The following LPCAT3 variants were observed in gnomAD, a reference collection of about 807,000 sequenced individuals.
LPCAT3 encodes lysophospholipid acyltransferase 5.
In LPCAT3, 21 loss-of-function variants were observed where a neutral mutation model predicts 63.4. The ratio of observed to expected loss-of-function variants is 0.33; its 90% CI spans 0.23 to 0.48. LPCAT3 has a LOEUF of 0.48. Ranked by LOEUF, LPCAT3 falls within the 20% of genes least tolerant of loss-of-function variation. LPCAT3 has a pLI of 0.99. For synonymous variants in LPCAT3, 242 were observed against 227.5 expected (o/e 1.06, Z -0.58); for missense variants, 451 against 590.6 (o/e 0.76, Z 2.45).
intron 4 of LPCAT3, 86 bp from the exon 5 acceptor site, chr12:6,981,718 T>TTTTTTG: frequency 3.5e-6 from 1 of 285,274 alleles, no homozygotes; most frequent in Non-Finnish European, 6.4e-6. Context: ...CAGAAGTGTA[T>TTTTTTG]GGCGGGGGGC....
chr12:7,006,883 T>C (rs1414870457), intron 1 of LPCAT3, among the ~76,000 whole-genome samples: 4 of 152,150 alleles, frequency 2.6e-5, no homozygotes, highest in African/African-American at 9.7e-5. Context: ...ACAGCAGAAA[T>C]TGGAAACCTC....
At chr12:7,000,460 T>C (rs1416669991) in intron 1 of LPCAT3, among the ~76,000 whole-genome samples, 2 of 148,384 alleles carry the variant, frequency 1.3e-5, no homozygotes, top group Admixed American at 1.3e-4. Context: ...TGGTGGCGGA[T>C]GCCTGTAGTC....
rs1946548111 is a variant in LPCAT3 at position 6,988,267 on chromosome 12, A to T, written c.152-4728T>A. The T allele has an allele frequency of 2.0e-5, 3 of 153,688 alleles. No individual in the cohort carries two copies. In the South Asian group the frequency reaches 6.2e-4, roughly 32 times the overall value. The allele number at this position is 153,688 out of a possible 1,614,324, so 9.5% of individuals were successfully genotyped here. A position where few individuals can be genotyped will look rare whatever the true frequency, so the allele number is the denominator to read the frequency against. On this transcript the variant is annotated intron_variant, in intron 1 of 12. Coordinates refer to ENST00000261407, the MANE Select transcript of LPCAT3 (RefSeq NM_005768.6). ...AAGGCGGAGGAATTGGGAGAAAAAT[A>T]AAAAGAATGCAGCAGGCCAGGTTAG...
intron 6 of LPCAT3, 67 bp from the exon 7 acceptor site, chr12:6,979,646 TCA>T (rs1431583726): frequency 1.7e-5 from 19 of 1,118,804 alleles, no homozygotes; most frequent in African/African-American, 3.1e-5. Flanking sequence ...CCTCTGACCT[TCA>T]GTTATGGAGA....
chr12:6,997,216 T>G (rs2138349468), intron 1 of LPCAT3: 1 of 152,324 alleles, frequency 6.6e-6, no homozygotes, highest in South Asian at 2.1e-4. Flanking sequence ...TTTTATTTTC[T>G]TGAGACAGTA....
chr12:6,994,984 C>A (rs1025439580), intron 1 of LPCAT3, among the ~76,000 whole-genome samples: 1 of 152,200 alleles, frequency 6.6e-6, no homozygotes, highest in Non-Finnish European at 1.5e-5. Flanking sequence ...GACAGATCCA[C>A]ATCTTTAGTT....
rs921126083 is a variant in LPCAT3, at chr12:7,017,700, G to A, written c.151+574C>T. ...ATTAAAATGATATTCCAGGGTAAAT[G>A]ACAGGTAGGTGGCTTGGAAAATAAA... On this transcript the variant is annotated intron_variant, in intron 1 of 12. Coordinates refer to ENST00000261407, the MANE Select transcript of LPCAT3 (RefSeq NM_005768.6). The surrounding 1 kb of genome is among the most constrained non-coding windows in gnomAD (Gnocchi z 4.1). 3.9e-5 allele frequency among the ~76,000 whole-genome samples: 6 copies of A among 152,126 alleles called. No individual in the cohort carries two copies. Among genetic ancestry groups the A allele is most frequent in the African/African-American group, 1.2e-4 (5 of 41,422 alleles).
At chr12:7,008,098 A>G (rs1946739506) in intron 1 of LPCAT3, among the ~76,000 whole-genome samples, 1 of 152,134 alleles carries the variant, frequency 6.6e-6, no homozygotes, top group Non-Finnish European at 1.5e-5. Flanking sequence ...TTACACCATC[A>G]GTCCATTTTA....
At chr12:6,982,429 C>T (rs1946479510) in intron 3 of LPCAT3, among the ~76,000 whole-genome samples, 1 of 152,134 alleles carries the variant, frequency 6.6e-6, no homozygotes, top group Non-Finnish European at 1.5e-5. Flanking sequence ...ACCAAAGAGC[C>T]TAATGGCACA....
intron 1 of LPCAT3, among the ~76,000 whole-genome samples, chr12:6,993,205 G>A (rs1264633079): frequency 2.6e-5 from 4 of 151,964 alleles, no homozygotes; most frequent in Admixed American, 6.6e-5. Flanking sequence ...TTTGGGAGCC[G>A]GAGGAGGGCA....
rs1555154973 is a variant in LPCAT3 at position 6,987,867 on chromosome 12, C to G, written c.152-4328G>C. 2 of 400,540 alleles carry G rather than the reference C, an allele frequency of 5.0e-6. No individual in the cohort carries two copies. Among genetic ancestry groups the G allele is most frequent in the African/African-American group, 4.1e-5 (2 of 48,666 alleles). 24.8% of individuals were successfully genotyped at this position (400,540 alleles called of 1,614,324 possible). On this transcript the variant is annotated intron_variant, in intron 1 of 12. Coordinates refer to ENST00000261407, the MANE Select transcript of LPCAT3 (RefSeq NM_005768.6). The surrounding 1 kb of genome is among the most constrained non-coding windows in gnomAD (Gnocchi z 4.1). The stretch of plus-strand genomic sequence containing the variant: ...TGTGAAATTGTCTGCCTGACTCTAA[C>G]AAGGCCTACACTGTCCTGAGTTCTG...
intron 1 of LPCAT3, among the ~76,000 whole-genome samples, chr12:6,985,089 TA>T (rs10559240): frequency 0.82 from 92,331 of 112,530 alleles, 38,314 homozygotes; most frequent in East Asian, 0.96. Flanking sequence ...CCCCATACAT[TA>T]AAAAAAAAAA....
chr12:6,992,809 A>G (rs1946601173), intron 1 of LPCAT3, among the ~76,000 whole-genome samples: 1 of 152,086 alleles, frequency 6.6e-6, no homozygotes, highest in Admixed American at 6.6e-5. Flanking sequence ...TGGTTCTAGT[A>G]CTCGCAGCAG....
intron 1 of LPCAT3, among the ~76,000 whole-genome samples, chr12:6,989,423 C>A (rs1263003516): frequency 1.3e-5 from 2 of 151,470 alleles, no homozygotes; most frequent in Non-Finnish European, 2.9e-5. Context: ...CATTCTCCTG[C>A]CTCAGCCTCT....
Position 6,979,469 on chromosome 12 carries a change from A to T in LPCAT3, c.786+2T>A, listed in dbSNP as rs368708076. ...GCTGCTGCTGCTTTAGTAGACACTC[A>T]CGTCATAGTCTTCAGTGAGGAGATA... On this transcript the variant is annotated splice_donor_variant, in intron 7 of 12. Coordinates refer to ENST00000261407, the MANE Select transcript of LPCAT3 (RefSeq NM_005768.6). LOFTEE classifies it high-confidence loss of function. The T allele has an allele frequency of 1.2e-6, 2 of 1,603,664 alleles. No individual in the cohort carries two copies. Among genetic ancestry groups the T allele is most frequent in the Non-Finnish European group, 8.5e-7 (1 of 1,170,524 alleles).
chr12:7,001,953 G>C (rs986755929), intron 1 of LPCAT3, among the ~76,000 whole-genome samples: 1 of 152,132 alleles, frequency 6.6e-6, no homozygotes, highest in African/African-American at 2.4e-5. Context: ...GAGTCGGGGG[G>C]GAGTTGAGGT....
intron 9 of LPCAT3, chr12:6,978,129 C>T (rs782534449): frequency 1.6e-4 from 94 of 604,986 alleles, no homozygotes; most frequent in Admixed American, 4.0e-4. Context: ...CAGGTCTTAA[C>T]GCACTTTTAT....
chr12:7,005,173 T>C (rs782440345), intron 1 of LPCAT3, among the ~76,000 whole-genome samples: 1 of 152,386 alleles, frequency 6.6e-6, no homozygotes, highest in Non-Finnish European at 1.5e-5. Context: ...GGGTATTTCA[T>C]ATAAATGGAA....
At chr12:7,016,612 G>T (rs1946799206) in intron 1 of LPCAT3, among the ~76,000 whole-genome samples, 1 of 152,042 alleles carries the variant, frequency 6.6e-6, no homozygotes, top group Admixed American at 6.6e-5. Context: ...TGTTGCCCAG[G>T]CTGGCCTCAA....
Sources: gnomAD v4.1 joint callset for allele counts (sites outside exome capture counted in the v4.1 genomes callset) on GRCh38, gnomAD v4.1.1 for gene constraint, Gnocchi (gnomAD v3.1) non-coding constraint, MANE v1.5 for transcripts, NCBI Gene and HGNC (gene_info 2026-07-23, HGNC 2026-07-21) for gene names.